Variants in GLYATL2 observed in about 807,000 individuals in gnomAD.
The protein encoded by GLYATL2 is glycine-N-acyltransferase like 2, also known as glycine N-acyltransferase-like protein 2.
In GLYATL2, 25 loss-of-function variants were observed where a neutral mutation model predicts 21.4. That is an observed-to-expected ratio of 1.17 (90% confidence interval 0.85 to 1.63). The LOEUF (loss-of-function observed/expected upper bound fraction) is 1.63. GLYATL2 is among the 40% of genes most tolerant of loss of function. The probability of loss-of-function intolerance (pLI) is 0.00; values close to 1 mark genes in which losing one functional copy is unlikely to be tolerated. For synonymous variants in GLYATL2, 114 were observed against 118.2 expected, an observed-to-expected ratio of 0.96 and a Z score of 0.23; for missense variants, 361 against 343.3, an observed-to-expected ratio of 1.05 and a Z score of -0.41.
At chr11:58,872,126 G>A (rs1015281990) in intron 1 of GLYATL2, among the ~76,000 whole-genome samples, 1 of 152,032 alleles carries the variant, frequency 6.6e-6, no homozygotes, top group Non-Finnish European at 1.5e-5. Context: ...TTTTTGATGG[G>A]GTTGTTTGTT....
chr11:58,842,523 C>T (rs537604185), intron 1 of GLYATL2, among the ~76,000 whole-genome samples: 7 of 146,642 alleles, frequency 4.8e-5, no homozygotes, highest in South Asian at 2.2e-4. Flanking sequence ...TGTGTGTGCG[C>T]CCTGTGATGG....
chr11:58,857,888 CAAAAAAAAAA>C (rs545952478), intron 1 of GLYATL2, among the ~76,000 whole-genome samples: 20 of 108,444 alleles, frequency 1.8e-4, no homozygotes, highest in Non-Finnish European at 2.5e-4. Context: ...TTTTCCCCTC[CAAAAAAAAAA>C]AAAAAAAAAA....
intron 1 of GLYATL2, among the ~76,000 whole-genome samples, chr11:58,871,489 T>A (rs1190530782): frequency 7.0e-6 from 1 of 142,240 alleles, no homozygotes; most frequent in Non-Finnish European, 1.5e-5. Flanking sequence ...TGTGTCCATG[T>A]GTTCTCATTG....
At chr11:58,901,709 C>T (rs1316570430) in intron 1 of GLYATL2, among the ~76,000 whole-genome samples, 2 of 152,072 alleles carry the variant, frequency 1.3e-5, no homozygotes, top group Admixed American at 6.5e-5. Flanking sequence ...TGACCTCTAG[C>T]AAATTATCCT....
At chr11:58,900,018 T>G (rs1190915564) in intron 1 of GLYATL2, among the ~76,000 whole-genome samples, 1 of 148,824 alleles carries the variant, frequency 6.7e-6, no homozygotes, top group African/African-American at 2.5e-5. Flanking sequence ...TTTTGGGGGG[T>G]GGGGGGAGAT....
intron 1 of GLYATL2, among the ~76,000 whole-genome samples, chr11:58,862,846 G>A (rs1853955875): frequency 6.6e-6 from 1 of 151,704 alleles, no homozygotes; most frequent in African/African-American, 2.4e-5. Flanking sequence ...TTTCTATGGT[G>A]GTATCATTTT....
At chr11:58,835,891 C>A (rs969502476) in intron 5 of GLYATL2, among the ~76,000 whole-genome samples, 1 of 152,086 alleles carries the variant, frequency 6.6e-6, no homozygotes, top group Non-Finnish European at 1.5e-5. Flanking sequence ...TATATGTTCC[C>A]CTTAAGTGTC....
chr11:58,848,307 T>C (rs1853679625), upstream of GLYATL2, among the ~76,000 whole-genome samples: 2 of 152,100 alleles, frequency 1.3e-5, no homozygotes, highest in Admixed American at 6.6e-5. Flanking sequence ...GAACATCTAC[T>C]AGCATCTACA....
intron 1 of GLYATL2, among the ~76,000 whole-genome samples, chr11:58,863,719 C>T (rs1320092739): frequency 1.3e-5 from 2 of 152,110 alleles, no homozygotes; most frequent in African/African-American, 2.4e-5. Flanking sequence ...GGCCTAGAAC[C>T]TAGGTCTTCA....
chr11:58,863,479 A>T (rs1853968364), intron 1 of GLYATL2, among the ~76,000 whole-genome samples: 1 of 152,206 alleles, frequency 6.6e-6, no homozygotes, highest in Non-Finnish European at 1.5e-5. Flanking sequence ...GCCTAGCATC[A>T]GGATCTACTG....
Position 58,834,557 on chromosome 11 carries a change from C to A in GLYATL2, c.757G>T (p.Glu253Ter). 1 of 1,613,830 alleles carries A rather than the reference C, an allele frequency of 6.2e-7. No homozygotes were observed. Among genetic ancestry groups the A allele is most frequent in the Non-Finnish European group, 8.5e-7 (1 of 1,179,864 alleles). ...YHLEKYLSQK[E>*]IPFYFHVADN... ...GCCACATGGAAATAAAATGGGATTTCTTTCTGAGAAAGATACTTTTCAAGA... is the reference window on the plus strand; with the variant it reads ...GCCACATGGAAATAAAATGGGATTTATTTCTGAGAAAGATACTTTTCAAGA... Residue 253 changes from glutamate (E) to a stop codon, truncating the protein, a stop_gained, in exon 6 of 6, where the codon GAA (glutamate) becomes TAA (stop). Transcript: ENST00000287275. LOFTEE classifies it low-confidence loss of function (END_TRUNC).
chr11:58,861,391 A>T (rs618052), intron 1 of GLYATL2, among the ~76,000 whole-genome samples: 1 of 151,904 alleles, frequency 6.6e-6, no homozygotes, highest in African/African-American at 2.4e-5. Flanking sequence ...ATAATAGTCT[A>T]TTCTGATCCT....
intron 1 of GLYATL2, among the ~76,000 whole-genome samples, chr11:58,874,229 T>A (rs1004047131): frequency 6.6e-6 from 1 of 152,210 alleles, no homozygotes; most frequent in Non-Finnish European, 1.5e-5. Context: ...GTTGACCTTT[T>A]CAAAAAACCA....
Position 58,837,047 on chromosome 11 carries a change from C to G in GLYATL2, c.444G>C (p.Lys148Asn), listed in dbSNP as rs770990570. The change falls in exon 5 of 6, where the codon AAG (lysine) becomes AAC (asparagine). Residue 148 changes from lysine (K) to asparagine (N), a missense_variant. By Grantham distance (94) the Lys-to-Asn change is moderately conservative. Transcript: ENST00000287275. Reference protein sequence around the residue: ...PKKHKTSSNDKMELFEVDDDN... With the variant: ...PKKHKTSSNDNMELFEVDDDN... ...CATCATCCACTTCAAATAACTCCAT[C>G]TTGTCATTACTTGAGGTCTTGTGTT... is the stretch of plus-strand genomic sequence containing the variant. The G allele has an allele frequency of 6.2e-7, 1 of 1,613,376 alleles. No homozygotes were observed. Among genetic ancestry groups the G allele is most frequent in the African/African-American group, 1.3e-5 (1 of 74,902 alleles).
rs1316603467 is a variant in GLYATL2, at chr11:58,878,469, G to T, written n.60+25687C>A. 1.6e-5 allele frequency: 4 copies of T among 247,244 alleles called. No individual in the cohort carries two copies. In the South Asian group the frequency reaches 4.1e-4, roughly 25 times the overall value. The allele number at this position is 247,244 out of a possible 1,614,324, so 15.3% of individuals were successfully genotyped here. A position where few individuals can be genotyped will look rare whatever the true frequency, so the allele number is the denominator to read the frequency against. Reference sequence around the variant, plus strand: ...TGAGCAAATTTGTGATCGAAACTGGGTTTGGAGTTGCAACAGAAAATGGAC... The same window carrying T: ...TGAGCAAATTTGTGATCGAAACTGGTTTTGGAGTTGCAACAGAAAATGGAC... On this transcript the variant is annotated intron_variant and non_coding_transcript_variant, in intron 1 of 4. Coordinates refer to the GLYATL2 transcript ENST00000533636.
intron 1 of GLYATL2, among the ~76,000 whole-genome samples, chr11:58,901,785 G>A (rs1386117359): frequency 2.6e-5 from 4 of 152,150 alleles, no homozygotes; most frequent in African/African-American, 9.7e-5. Context: ...AACATCAAAA[G>A]AGACCAAAAT....
chr11:58,880,107 C>T (rs1854306889), intron 1 of GLYATL2, among the ~76,000 whole-genome samples: 1 of 152,158 alleles, frequency 6.6e-6, no homozygotes, highest in Non-Finnish European at 1.5e-5. Flanking sequence ...ATCCGCCCAC[C>T]TCGGCCTCCC....
At chr11:58,834,919 C>T in intron 5 of GLYATL2, 82 bp from the exon 6 acceptor site, 1 of 1,075,998 alleles carries the variant, frequency 9.3e-7, no homozygotes, top group East Asian at 2.6e-5. Flanking sequence ...AACACCATTC[C>T]TTTCCTTAAG....
chr11:58,849,932 T>C (rs1179151122), intron 1 of GLYATL2, among the ~76,000 whole-genome samples: 1 of 151,826 alleles, frequency 6.6e-6, no homozygotes, highest in African/African-American at 2.4e-5. Context: ...ACTTAAAGTA[T>C]AATTAAAAAA....
Sources: allele counts gnomAD v4.1 joint callset (sites outside exome capture counted in the v4.1 genomes callset), GRCh38; gene constraint gnomAD v4.1.1; transcripts MANE v1.5; gene names NCBI Gene and HGNC (gene_info 2026-07-23, HGNC 2026-07-21).